Variants in BRINP2 observed in about 807,000 individuals in gnomAD.
The protein encoded by BRINP2 is BMP/retinoic acid inducible neural specific 2, also known as BMP/retinoic acid-inducible neural-specific protein 2.
Under a neutral mutation model 69.2 loss-of-function variants are expected in BRINP2, and 21 were observed. The observed-to-expected ratio is 0.30, with a 90% CI of 0.22 to 0.44. The LOEUF (loss-of-function observed/expected upper bound fraction) is 0.44, where lower values mean the gene tolerates loss of function less well. Ranked by LOEUF, BRINP2 falls within the 20% of genes least tolerant of loss-of-function variation. The pLI, the probability that BRINP2 is intolerant of heterozygous loss-of-function variation, is 1.00. For missense variants in BRINP2, 877 were observed against 986.0 expected (o/e 0.89, Z 1.48); for synonymous variants, 380 against 394.1 (o/e 0.96, Z 0.42).
intron 1 of BRINP2, among the ~76,000 whole-genome samples, chr1:177,179,835 G>T (rs966889823): frequency 6.6e-6 from 1 of 152,122 alleles, no homozygotes; most frequent in Non-Finnish European, 1.5e-5. Flanking sequence ...TATGCAGAGG[G>T]GGTTGATTCT....
chr1:177,203,749 G>T (rs1266896549), intron 1 of BRINP2, among the ~76,000 whole-genome samples: 1 of 152,100 alleles, frequency 6.6e-6, no homozygotes, highest in African/African-American at 2.4e-5. Flanking sequence ...CGGACCAAAA[G>T]AAATAATATG....
At chr1:177,236,864 C>A (rs1032342366) in intron 2 of BRINP2, among the ~76,000 whole-genome samples, 1 of 151,392 alleles carries the variant, frequency 6.6e-6, no homozygotes, top group Admixed American at 6.6e-5. Flanking sequence ...CATACTTTGT[C>A]TCTCTGAAAT....
At position 177,227,917 on chromosome 1, in the gene BRINP2, G is replaced by A. The variant is rs184345316; in HGVS notation, c.-76-1884G>A. 2.0e-5 allele frequency among the ~76,000 whole-genome samples: 3 copies of A among 152,146 alleles called. No individual in the cohort carries two copies. In the East Asian group the frequency reaches 5.8e-4, roughly 29 times the overall value. On this transcript the variant is annotated intron_variant, in intron 1 of 7. Transcript: ENST00000361539. ...TTTATCATGTTTGAAGATCTGGTAGGGCAGGAGCTGCCTCATTATTCTTTC... is the reference window on the plus strand; with the variant it reads ...TTTATCATGTTTGAAGATCTGGTAGAGCAGGAGCTGCCTCATTATTCTTTC...
intron 1 of BRINP2, among the ~76,000 whole-genome samples, chr1:177,225,283 A>G (rs1571914324): frequency 6.6e-6 from 1 of 152,238 alleles, no homozygotes; most frequent in East Asian, 1.9e-4. Flanking sequence ...GCAGTTAACA[A>G]AGGAAAACCC....
chr1:177,257,074 C>G, intron 3 of BRINP2, 102 bp from the exon 4 acceptor site: 1 of 1,569,570 alleles, frequency 6.4e-7, no homozygotes, highest in Middle Eastern at 1.7e-4. Context: ...GGGCTGCACT[C>G]TCTCTCAGCT....
intron 4 of BRINP2, among the ~76,000 whole-genome samples, chr1:177,265,287 C>T (rs894719603): frequency 1.3e-5 from 2 of 152,162 alleles, no homozygotes; most frequent in African/African-American, 4.8e-5. Context: ...CTTCCTTACA[C>T]CTTAAACAAA....
rs766709306 is a variant in BRINP2 at position 177,281,442 on chromosome 1, G to T, written c.2266G>T (p.Val756Leu). 14 of 1,613,866 alleles carry T rather than the reference G, an allele frequency of 8.7e-6. No individual in the cohort carries two copies. Among genetic ancestry groups the T allele is most frequent in the Admixed American group, 6.7e-5 (4 of 59,994 alleles). The change falls in exon 8 of 8, where the codon GTG becomes TTG. Residue 756 changes from valine to leucine, a missense_variant. By Grantham distance (32) the Val-to-Leu change is conservative (BLOSUM62 1). Coordinates refer to ENST00000361539, the MANE Select transcript of BRINP2 (RefSeq NM_021165.4). ...RHRLKLANNE[V>L]GRIQSSLRAF... Reference sequence around the variant, plus strand: ...TCGGCTTAAGCTGGCCAACAATGAGGTGGGCAGGATCCAGTCCTCCCTGAG... The same window carrying T: ...TCGGCTTAAGCTGGCCAACAATGAGTTGGGCAGGATCCAGTCCTCCCTGAG...
rs556750263 is a variant in BRINP2, at chr1:177,234,285, C to G, written c.269+4140C>G. ...AGGTCAGAGAGGTAGCCAGTCACAG[C>G]CAGAAATAGCACTCAGGGCTCCTGA... On this transcript the variant is annotated intron_variant, in intron 2 of 7. Transcript: ENST00000361539. Among the ~76,000 whole-genome samples the G allele has an allele frequency of 2.6e-5, 4 of 152,284 alleles. No individual in the cohort carries two copies. In the East Asian group the frequency reaches 7.7e-4, roughly 29 times the overall value.
intron 1 of BRINP2, among the ~76,000 whole-genome samples, chr1:177,215,757 C>T (rs2102314120): frequency 6.6e-6 from 1 of 152,174 alleles, no homozygotes; most frequent in Non-Finnish European, 1.5e-5. Context: ...GAGTGGGCAT[C>T]CTTGACTTGT....
intron 1 of BRINP2, among the ~76,000 whole-genome samples, chr1:177,181,755 C>T (rs1224669053): frequency 5.3e-5 from 8 of 152,178 alleles, no homozygotes; most frequent in Non-Finnish European, 1.2e-4. Flanking sequence ...GCGCCCTGCA[C>T]ACGCCTCTTC....
chr1:177,253,026 T>C (rs539664325), intron 2 of BRINP2, among the ~76,000 whole-genome samples: 1 of 152,284 alleles, frequency 6.6e-6, no homozygotes, highest in East Asian at 1.9e-4. Context: ...CAGATATCTC[T>C]TTGATATACT....
intron 1 of BRINP2, among the ~76,000 whole-genome samples, chr1:177,190,435 G>A (rs540247433): frequency 8.6e-5 from 13 of 152,000 alleles, no homozygotes; most frequent in Admixed American, 1.3e-4. Context: ...TGCTTATGTC[G>A]CACTTCTCTG....
intron 1 of BRINP2, among the ~76,000 whole-genome samples, chr1:177,218,049 G>A (rs1649427913): frequency 6.6e-6 from 1 of 152,216 alleles, no homozygotes; most frequent in Non-Finnish European, 1.5e-5. Context: ...CATGGGTGAG[G>A]TGTGGGGATG....
chr1:177,191,073 GT>G (rs1648582675), intron 1 of BRINP2, among the ~76,000 whole-genome samples: 1 of 152,120 alleles, frequency 6.6e-6, no homozygotes, highest in East Asian at 1.9e-4. Flanking sequence ...TCCAGAGAGC[GT>G]TGTCCTTCCA....
chr1:177,180,275 C>T (rs371163169), intron 1 of BRINP2, among the ~76,000 whole-genome samples: 4 of 152,344 alleles, frequency 2.6e-5, no homozygotes, highest in African/African-American at 9.6e-5. Flanking sequence ...ATGCCCTCTG[C>T]CTTCCACCCT....
intron 2 of BRINP2, among the ~76,000 whole-genome samples, chr1:177,247,337 G>A (rs531577129): frequency 6.6e-6 from 1 of 152,332 alleles, no homozygotes; most frequent in East Asian, 1.9e-4. Context: ...CAAAGGCTCT[G>A]AGAACAAAGA....
At chr1:177,174,250 TG>T (rs1648023237) in intron 1 of BRINP2, among the ~76,000 whole-genome samples, 1 of 152,224 alleles carries the variant, frequency 6.6e-6, no homozygotes, top group African/African-American at 2.4e-5. Context: ...CCAGACTCCA[TG>T]GGCTTCTTCT....
intron 2 of BRINP2, among the ~76,000 whole-genome samples, chr1:177,231,025 A>G (rs1284644056): frequency 6.6e-6 from 1 of 152,262 alleles, no homozygotes; most frequent in Non-Finnish European, 1.5e-5. Context: ...ATGAAAAAGC[A>G]CAAAAGGAAA....
chr1:177,212,066 CAGAT>C (rs61645500), intron 1 of BRINP2, among the ~76,000 whole-genome samples: 73,721 of 148,912 alleles, frequency 0.5, 18,353 homozygotes, highest in East Asian at 0.54. Flanking sequence ...TCTATAGACA[CAGAT>C]AGATAGATAG....
Sources: gnomAD v4.1 joint callset for allele counts (sites outside exome capture counted in the v4.1 genomes callset) on GRCh38, gnomAD v4.1.1 for gene constraint, MANE v1.5 for transcripts, NCBI Gene and HGNC (gene_info 2026-07-23, HGNC 2026-07-21) for gene names.